DLGAP1: variants seen among roughly 807,000 people sequenced by gnomAD.
The protein encoded by DLGAP1 is disks large-associated protein 1.
Under a neutral mutation model 90.8 loss-of-function variants are expected in DLGAP1, and 11 were observed. The ratio of observed to expected loss-of-function variants is 0.12; its 90% CI spans 0.08 to 0.20. The LOEUF (loss-of-function observed/expected upper bound fraction) is 0.20. Ranked by LOEUF, DLGAP1 falls within the 10% of genes least tolerant of loss-of-function variation. The probability of loss-of-function intolerance (pLI) is 1.00; values close to 1 mark genes in which losing one functional copy is unlikely to be tolerated. For synonymous variants in DLGAP1, 558 were observed against 540.7 expected (o/e 1.03, Z -0.44); for missense variants, 1,050 against 1,333.8 (o/e 0.79, Z 3.31).
chr18:3,588,646 GGTGT>G (rs2056041971), intron 7 of DLGAP1, among the ~76,000 whole-genome samples: 2 of 143,054 alleles, frequency 1.4e-5, no homozygotes, highest in African/African-American at 5.2e-5. Context: ...CAGGCGTGGT[GGTGT>G]GTGCCTGTAT....
At chr18:4,391,590 C>A (rs1263575058) in intron 1 of DLGAP1, among the ~76,000 whole-genome samples, 1 of 152,134 alleles carries the variant, frequency 6.6e-6, no homozygotes, top group Non-Finnish European at 1.5e-5. Flanking sequence ...ATTGAAGAAG[C>A]GACTACATAG....
chr18:4,422,992 A>T (rs193180338), intron 1 of DLGAP1, among the ~76,000 whole-genome samples: 1 of 152,162 alleles, frequency 6.6e-6, no homozygotes, highest in African/African-American at 2.4e-5. Flanking sequence ...TAGCATAATG[A>T]TTAGTGCTGC....
At chr18:3,734,275 T>C (rs112584886) in intron 6 of DLGAP1, among the ~76,000 whole-genome samples, 10,640 of 152,000 alleles carry the variant, frequency 0.07, 1,173 homozygotes, top group African/African-American at 0.23. Context: ...CTCTAAGAGA[T>C]AGGGTCTAGC....
chr18:3,632,709 T>C (rs969510533), intron 7 of DLGAP1, among the ~76,000 whole-genome samples: 3 of 152,224 alleles, frequency 2.0e-5, no homozygotes, highest in African/African-American at 7.2e-5. Flanking sequence ...AAGATTACTT[T>C]CCTTGGGAGC....
chr18:4,436,211 T>C (rs1031005210), intron 1 of DLGAP1, among the ~76,000 whole-genome samples: 18 of 152,082 alleles, frequency 1.2e-4, no homozygotes. Flanking sequence ...TTCTTTTTTC[T>C]TTTTTTTCTC....
chr18:3,592,890 AAAAGAAAAAG>A lies in DLGAP1; in HGVS notation c.1592-10652_1592-10643del, dbSNP rs1189445069. On this transcript the variant is annotated intron_variant, in intron 7 of 12. Transcript: ENST00000315677. ...AAAGAAAAAGAAAGAAAGAAAAAGA[AAAAGAAAAAG>A]AAAAAGAAAAAAAAGAAAGAAAAGA... is the stretch of plus-strand genomic sequence containing the variant. Among the ~76,000 whole-genome samples, 9 of 65,972 alleles carry A rather than the reference AAAAGAAAAAG, an allele frequency of 1.4e-4. No individual in the cohort carries two copies. The East Asian group carries it at 2.7e-3, about 20-fold the overall frequency. 43.3% of individuals were successfully genotyped at this position (65,972 alleles called of 152,430 possible).
intron 7 of DLGAP1, among the ~76,000 whole-genome samples, chr18:3,636,561 G>A (rs531391630): frequency 4.7e-5 from 7 of 148,754 alleles, no homozygotes; most frequent in South Asian, 2.2e-4. Flanking sequence ...ACAGACGCAC[G>A]CCACAATGCA....
intron 4 of DLGAP1, among the ~76,000 whole-genome samples, chr18:3,831,371 G>T (rs1041473310): frequency 6.6e-6 from 1 of 151,976 alleles, no homozygotes; most frequent in African/African-American, 2.4e-5. Context: ...TGTGATGCAT[G>T]TGCAGAACAT....
At chr18:4,168,433 A>C (rs977166179) in intron 1 of DLGAP1, among the ~76,000 whole-genome samples, 3 of 152,190 alleles carry the variant, frequency 2.0e-5, no homozygotes, top group Admixed American at 2.0e-4. Flanking sequence ...TACAAAATTT[A>C]ACTCACAATT....
chr18:4,055,042 G>A (rs1204781915), intron 2 of DLGAP1, among the ~76,000 whole-genome samples: 1 of 152,146 alleles, frequency 6.6e-6, no homozygotes, highest in Admixed American at 6.5e-5. Flanking sequence ...CCGTTCTCAA[G>A]GAGATTTTTA....
At chr18:3,508,742 A>G in intron 10 of DLGAP1, 81 bp from the exon 11 acceptor site, 2 of 1,162,664 alleles carry the variant, frequency 1.7e-6, no homozygotes, top group South Asian at 2.7e-5. Flanking sequence ...AGAGGAAGTT[A>G]TGCTGTAATA....
At chr18:3,664,051 A>G (rs888507402) in intron 7 of DLGAP1, among the ~76,000 whole-genome samples, 4 of 152,150 alleles carry the variant, frequency 2.6e-5, no homozygotes, top group Non-Finnish European at 5.9e-5. Context: ...ACTGGAACTT[A>G]CACAATTGTT....
chr18:3,842,002 A>G (rs7230746), intron 4 of DLGAP1, among the ~76,000 whole-genome samples: 43,120 of 151,778 alleles, frequency 0.28, 6,188 homozygotes, highest in South Asian at 0.35. Context: ...TTGGGAGAGG[A>G]TACCTCACTT....
At chr18:3,956,711 T>G (rs1367883262) in intron 3 of DLGAP1, among the ~76,000 whole-genome samples, 1 of 152,152 alleles carries the variant, frequency 6.6e-6, no homozygotes, top group Non-Finnish European at 1.5e-5. Flanking sequence ...AGTGCAGTGA[T>G]GCAATCTCAG....
At position 3,729,434 on chromosome 18, in the gene DLGAP1, C is replaced by A. The variant is rs1255300442; in HGVS notation, c.1351-59G>T. The A allele has an allele frequency of 6.4e-7, 1 of 1,565,670 alleles. No individual in the cohort carries two copies. Among genetic ancestry groups the A allele is most frequent in the East Asian group, 2.3e-5 (1 of 44,152 alleles). Reference sequence around the variant, plus strand: ...TCCACCTGGTGGAGGATCAACCTCTCCAAGCATCTGCGAACTTCAATCCCC... The same window carrying A: ...TCCACCTGGTGGAGGATCAACCTCTACAAGCATCTGCGAACTTCAATCCCC... On this transcript the variant is annotated intron_variant, in intron 6 of 12. Transcript: ENST00000315677. This position sits in a 1 kb window ranked among gnomAD's most constrained non-coding sequence, Gnocchi z 6.2.
chr18:4,403,573 C>G (rs1443368513), intron 1 of DLGAP1, among the ~76,000 whole-genome samples: 1 of 152,066 alleles, frequency 6.6e-6, no homozygotes, highest in Non-Finnish European at 1.5e-5. Context: ...TTTCCCTCCC[C>G]CATTGATTAT....
intron 1 of DLGAP1, among the ~76,000 whole-genome samples, chr18:4,262,944 T>A (rs539150285): frequency 1.1e-3 from 169 of 152,184 alleles, no homozygotes; most frequent in Non-Finnish European, 1.7e-3. Flanking sequence ...TTTTATTATT[T>A]TTTTTTTGAG....
intron 1 of DLGAP1, among the ~76,000 whole-genome samples, chr18:4,426,169 A>G (rs992942543): frequency 6.6e-6 from 1 of 152,206 alleles, no homozygotes; most frequent in African/African-American, 2.4e-5. Flanking sequence ...GCGTTCAGAC[A>G]TTCCATGTGC....
At chr18:4,393,275 G>A (rs1396160331) in intron 1 of DLGAP1, among the ~76,000 whole-genome samples, 1 of 149,846 alleles carries the variant, frequency 6.7e-6, no homozygotes, top group Non-Finnish European at 1.5e-5. Flanking sequence ...GTATTTATTT[G>A]CATACCTAGA....
Sources: allele counts gnomAD v4.1 joint callset (sites outside exome capture counted in the v4.1 genomes callset), GRCh38; gene constraint gnomAD v4.1.1; non-coding constraint Gnocchi (gnomAD v3.1); transcripts MANE v1.5; gene names NCBI Gene and HGNC (gene_info 2026-07-23, HGNC 2026-07-21).